The following GPD1L variants were observed in gnomAD, a reference collection of about 807,000 sequenced individuals.
The protein encoded by GPD1L is glycerol-3-phosphate dehydrogenase 1 like.
In GPD1L, 17 loss-of-function variants were observed where a neutral mutation model predicts 32.9. That is an observed-to-expected ratio of 0.52 (90% CI 0.35 to 0.78). GPD1L has a LOEUF of 0.78. GPD1L is among the 30% of genes least tolerant of loss of function. GPD1L has a pLI of 0.01. For synonymous variants in GPD1L, 187 were observed against 165.9 expected (o/e 1.13, Z -0.98); for missense variants, 361 against 447.8 (o/e 0.81, Z 1.75).
intron 7 of GPD1L, among the ~76,000 whole-genome samples, chr3:32,165,354 C>G (rs540328906): frequency 6.6e-6 from 1 of 152,346 alleles, no homozygotes; most frequent in African/African-American, 2.4e-5. Flanking sequence ...GGTCCTCACT[C>G]GGATTCTTGC....
At chr3:32,123,639 C>T (rs1559571362) in intron 1 of GPD1L, among the ~76,000 whole-genome samples, 1 of 152,056 alleles carries the variant, frequency 6.6e-6, no homozygotes, top group African/African-American at 2.4e-5. Context: ...CTGCTCGTGC[C>T]CTTGACCCAG....
intron 1 of GPD1L, among the ~76,000 whole-genome samples, chr3:32,120,829 C>T (rs1700401768): frequency 6.6e-6 from 1 of 152,156 alleles, no homozygotes; most frequent in African/African-American, 2.4e-5. Context: ...GGCGTCCATT[C>T]CTTGGCTGAA....
chr3:32,136,162 G>A (rs1700656898), intron 2 of GPD1L, among the ~76,000 whole-genome samples: 1 of 152,158 alleles, frequency 6.6e-6, no homozygotes, highest in Admixed American at 6.5e-5. Flanking sequence ...CCCCTGCTTT[G>A]CCATCCGCAA....
chr3:32,122,022 G>T (rs1700431025), intron 1 of GPD1L, among the ~76,000 whole-genome samples: 1 of 151,994 alleles, frequency 6.6e-6, no homozygotes, highest in Admixed American at 6.6e-5. Flanking sequence ...GCCCGCCTTG[G>T]CCTCCCAAAG....
chr3:32,120,325 C>CA (rs1700392890), intron 1 of GPD1L, among the ~76,000 whole-genome samples: 1 of 151,466 alleles, frequency 6.6e-6, no homozygotes, highest in African/African-American at 2.4e-5. Flanking sequence ...TCAAAAAAAA[C>CA]AAAAAACAAA....
At chr3:32,158,657 A>G in intron 5 of GPD1L, 4 of 990,692 alleles carry the variant, frequency 4.0e-6, no homozygotes, top group Non-Finnish European at 4.3e-6. Flanking sequence ...GACCCCAAAT[A>G]TGGGCTCTTT....
At chr3:32,110,513 C>G (rs1162718774) in intron 1 of GPD1L, among the ~76,000 whole-genome samples, 1 of 152,220 alleles carries the variant, frequency 6.6e-6, no homozygotes, top group Non-Finnish European at 1.5e-5. Context: ...CATGGAGTGC[C>G]TCTCCCAAGT....
chr3:32,110,679 CA>C (rs1225286559), intron 1 of GPD1L, among the ~76,000 whole-genome samples: 1 of 152,172 alleles, frequency 6.6e-6, no homozygotes, highest in African/African-American at 2.4e-5. Flanking sequence ...CTACATAGAT[CA>C]GAGAGAGGAG....
rs1218904832 is a variant in GPD1L at position 32,167,470 on chromosome 3, G to C, written c.*1560G>C. 1 of 152,612 alleles carries C rather than the reference G, an allele frequency of 6.6e-6. No individual in the cohort carries two copies. The highest frequency in any genetic ancestry group is 1.5e-5 in the Non-Finnish European group (1 of 68,038). 9.5% of individuals were successfully genotyped at this position (152,612 alleles called of 1,614,324 possible). A position where few individuals can be genotyped will look rare whatever the true frequency, so the allele number is the denominator to read the frequency against. ...GCATTGTTGGTTCTGAACTTTTACA[G>C]TTCAGGCCTGCTGTGAATCTTTGAT... is the stretch of plus-strand genomic sequence containing the variant. On this transcript the variant is annotated 3_prime_UTR_variant, in exon 8 of 8. Coordinates refer to ENST00000282541, the MANE Select transcript of GPD1L (RefSeq NM_015141.4).
At chr3:32,133,269 C>T (rs990037597) in intron 2 of GPD1L, among the ~76,000 whole-genome samples, 6 of 152,140 alleles carry the variant, frequency 3.9e-5, no homozygotes, top group Non-Finnish European at 5.9e-5. Context: ...GTAGACATAA[C>T]TAGTGGCCCT....
chr3:32,157,864 T>C (rs1436303555), intron 5 of GPD1L, among the ~76,000 whole-genome samples: 1 of 152,200 alleles, frequency 6.6e-6, no homozygotes, highest in Non-Finnish European at 1.5e-5. Context: ...ATTTTCAGCT[T>C]CTGAAAAGGC....
chr3:32,151,529 G>T, intron 5 of GPD1L: 1 of 275,614 alleles, frequency 3.6e-6, no homozygotes, highest in Non-Finnish European at 6.7e-6. Context: ...GCCCAGGCTG[G>T]AGTGCAGTGG....
intron 1 of GPD1L, among the ~76,000 whole-genome samples, chr3:32,121,641 T>C (rs1317012063): frequency 1.4e-5 from 2 of 138,846 alleles, no homozygotes; most frequent in Non-Finnish European, 1.5e-5. Context: ...TATTTCTATA[T>C]ATATAATATA....
At chr3:32,147,783 A>T (rs1700852966) in intron 5 of GPD1L, among the ~76,000 whole-genome samples, 1 of 152,216 alleles carries the variant, frequency 6.6e-6, no homozygotes, top group Non-Finnish European at 1.5e-5. Flanking sequence ...GGAGTTGCAA[A>T]GGTGGAAAGA....
chr3:32,163,161 CTTTTTT>C (rs34385950), intron 7 of GPD1L, among the ~76,000 whole-genome samples: 1 of 78,030 alleles, frequency 1.3e-5, no homozygotes, highest in Non-Finnish European at 2.3e-5. Flanking sequence ...CTGGTTTGTC[CTTTTTT>C]TTTTTTTTTT....
intron 1 of GPD1L, among the ~76,000 whole-genome samples, chr3:32,121,702 TATATATTTCTAC>T (rs1334167746): frequency 7.3e-6 from 1 of 136,544 alleles, no homozygotes; most frequent in Non-Finnish European, 1.5e-5. Context: ...TATATTTATA[TATATATTTCTAC>T]ATATATTTCT....
rs1471609024 is a variant in GPD1L, at chr3:32,167,464, T to C, written c.*1554T>C. 6.6e-6 allele frequency: 1 copy of C among 152,626 alleles called. No homozygotes were observed. Among genetic ancestry groups the C allele is most frequent in the Non-Finnish European group, 1.5e-5 (1 of 68,034 alleles). 9.5% of individuals were successfully genotyped at this position (152,626 alleles called of 1,614,324 possible). On this transcript the variant is annotated 3_prime_UTR_variant, in exon 8 of 8. Transcript: ENST00000282541. ...CCTGTGGCATTGTTGGTTCTGAACT[T>C]TTACAGTTCAGGCCTGCTGTGAATC...
At chr3:32,143,089 T>C (rs1027052796) in intron 4 of GPD1L, among the ~76,000 whole-genome samples, 14 of 152,062 alleles carry the variant, frequency 9.2e-5, no homozygotes, top group Admixed American at 8.5e-4. Flanking sequence ...GAGACTGCTG[T>C]GGGAGGATCA....
intron 7 of GPD1L, among the ~76,000 whole-genome samples, chr3:32,165,409 T>G (rs1400563011): frequency 1.4e-5 from 1 of 70,136 alleles, no homozygotes; most frequent in Non-Finnish European, 2.7e-5. Context: ...GGATGATTCT[T>G]TTTGGAGAAG....
Sources: allele counts gnomAD v4.1 joint callset (sites outside exome capture counted in the v4.1 genomes callset), GRCh38; gene constraint gnomAD v4.1.1; transcripts MANE v1.5; gene names NCBI Gene and HGNC (gene_info 2026-07-23, HGNC 2026-07-21).